The following DAB1 variants were observed in gnomAD, a reference collection of about 807,000 sequenced individuals.
DAB1 encodes the protein DAB adaptor protein 1, also known as disabled homolog 1.
In DAB1, 15 loss-of-function variants were observed where a neutral mutation model predicts 64.6. That is an observed-to-expected ratio of 0.23 (90% CI 0.16 to 0.36). DAB1 has a LOEUF of 0.36. Ranked by LOEUF, DAB1 falls within the 10% of genes least tolerant of loss-of-function variation. The pLI, the probability that DAB1 is intolerant of heterozygous loss-of-function variation, is 1.00. For missense variants in DAB1, 596 were observed against 706.7 expected, an observed-to-expected ratio of 0.84 and a Z score of 1.78; for synonymous variants, 235 against 251.9, an observed-to-expected ratio of 0.93 and a Z score of 0.64.
At chr1:57,772,839 G>A (rs80316352) in intron 6 of DAB1, among the ~76,000 whole-genome samples, 287 of 152,014 alleles carry the variant, frequency 1.9e-3, no homozygotes, top group African/African-American at 6.4e-3. Context: ...GACCTTATTT[G>A]GAAATAGCAT....
intron 2 of DAB1, among the ~76,000 whole-genome samples, chr1:57,248,129 G>A (rs993465887): frequency 2.0e-5 from 3 of 152,120 alleles, no homozygotes; most frequent in Non-Finnish European, 4.4e-5. Flanking sequence ...ATATCCTCCT[G>A]TACACTTTAA....
intron 7 of DAB1, among the ~76,000 whole-genome samples, chr1:57,550,441 A>G (rs1644901593): frequency 6.6e-6 from 1 of 152,062 alleles, no homozygotes; most frequent in Non-Finnish European, 1.5e-5. Flanking sequence ...TGTAGCTCTC[A>G]CTGACCTTTT....
rs1430472626 is a variant in DAB1, at chr1:58,357,177, GGAAGTGAATA to G, written n.258-13784_258-13775del. 1.3e-4 allele frequency among the ~76,000 whole-genome samples: 20 copies of G among 152,242 alleles called. No individual in the cohort carries two copies. In the East Asian group the frequency reaches 1.3e-3, roughly 10 times the overall value. Reference sequence around the variant, plus strand: ...CTTTTGGATTGTATGAGGCAAAAGTGGAAGTGAATAGAAGTGAATAGTAAATCAAACAAAA... The same window carrying G: ...CTTTTGGATTGTATGAGGCAAAAGTGGAAGTGAATAGTAAATCAAACAAAA... On this transcript the variant is annotated intron_variant and non_coding_transcript_variant, in intron 3 of 20. Coordinates refer to the DAB1 transcript ENST00000485760.
At chr1:58,213,513 G>A (rs902125140) in intron 4 of DAB1, among the ~76,000 whole-genome samples, 5 of 151,978 alleles carry the variant, frequency 3.3e-5, no homozygotes, top group South Asian at 2.1e-4. Context: ...AGCGAAGGCC[G>A]GGAAGAGCCC....
chr1:57,649,610 A>T (rs912928925), exon 7 of DAB1: 1 of 152,330 alleles, frequency 6.6e-6, no homozygotes, highest in East Asian at 1.9e-4. Flanking sequence ...TGTACAAAAG[A>T]GTTCTTCAAT....
Position 57,015,353 on chromosome 1 carries a change from G to A in DAB1, c.974C>T (p.Ala325Val), listed in dbSNP as rs759402184. 1.9e-6 allele frequency: 3 copies of A among 1,613,940 alleles called. No homozygotes were observed. The highest frequency in any genetic ancestry group is 1.3e-5 in the African/African-American group (1 of 74,928). ...CATCACCTGAGCGACTGGTGGCTGG[G>A]CACCCATGACCATCTGCTGTTGGAC... ...PLVQQQMVMG[A>V]QPPVAQVMPG... The change falls in exon 12 of 15, where the codon GCC becomes GTC. Residue 325 changes from alanine (A) to valine (V), a missense_variant. By Grantham distance (64) the Ala-to-Val change is moderately conservative (BLOSUM62 0). Around this residue, in one of 3 missense-constraint regions of DAB1, gnomAD observed 377 missense variants for 400.4 expected, o/e 0.94. Transcript: ENST00000371236.
At chr1:57,195,907 A>G (rs1664585029) in intron 2 of DAB1, among the ~76,000 whole-genome samples, 1 of 152,238 alleles carries the variant, frequency 6.6e-6, no homozygotes, top group South Asian at 2.1e-4. Flanking sequence ...TTTTCCTTAA[A>G]AAGATAATTA....
intron 7 of DAB1, among the ~76,000 whole-genome samples, chr1:57,446,553 G>A (rs983376152): frequency 4.7e-5 from 7 of 148,184 alleles, no homozygotes; most frequent in South Asian, 2.1e-4. Context: ...AGCCGAGATC[G>A]CGCCATTGCA....
chr1:57,104,071 T>C (rs1654920290), intron 4 of DAB1, among the ~76,000 whole-genome samples: 1 of 152,094 alleles, frequency 6.6e-6, no homozygotes, highest in African/African-American at 2.4e-5. Context: ...TGGTAGGTTA[T>C]GGGGGTGAGA....
At chr1:57,894,614 G>A (rs1644366747) in intron 5 of DAB1, among the ~76,000 whole-genome samples, 1 of 152,150 alleles carries the variant, frequency 6.6e-6, no homozygotes, top group Admixed American at 6.5e-5. Flanking sequence ...ACCTCACAGG[G>A]AAGAGTCTGG....
At chr1:57,868,533 A>C (rs1035154095) in intron 1 of DAB1, among the ~76,000 whole-genome samples, 1 of 152,100 alleles carries the variant, frequency 6.6e-6, no homozygotes, top group East Asian at 1.9e-4. Context: ...GCAGACAATT[A>C]TGTGGTGTGG....
intron 9 of DAB1, among the ~76,000 whole-genome samples, chr1:57,053,688 A>ATATATATAT (rs1447741565): frequency 1.0e-3 from 72 of 71,404 alleles, no homozygotes; most frequent in South Asian, 1.2e-3. Flanking sequence ...ATATATATAT[A>ATATATATAT]TTTTTTTTTT....
intron 5 of DAB1, among the ~76,000 whole-genome samples, chr1:58,116,933 A>C (rs1652371750): frequency 6.6e-6 from 1 of 152,232 alleles, no homozygotes; most frequent in Non-Finnish European, 1.5e-5. Context: ...AAATGACTTT[A>C]TAAAGAACAC....
intron 1 of DAB1, chr1:58,527,392 G>C (rs879167842): frequency 2.4e-6 from 2 of 823,488 alleles, no homozygotes; most frequent in South Asian, 1.3e-5. Context: ...GAAAAAAGGA[G>C]TAACACAGAG....
intron 4 of DAB1, among the ~76,000 whole-genome samples, chr1:58,216,941 G>A (rs141890355): frequency 1.1e-4 from 16 of 152,258 alleles, no homozygotes; most frequent in South Asian, 6.2e-4. Flanking sequence ...CAGTATACAT[G>A]TTTTTGCTTT....
chr1:57,131,628 G>C (rs896230988), intron 4 of DAB1, among the ~76,000 whole-genome samples: 3 of 152,282 alleles, frequency 2.0e-5, no homozygotes, highest in African/African-American at 7.2e-5. Context: ...GAACTGAAAG[G>C]AGAACAGACT....
intron 5 of DAB1, among the ~76,000 whole-genome samples, chr1:58,110,994 G>A (rs1390735004): frequency 6.6e-6 from 1 of 152,126 alleles, no homozygotes; most frequent in Non-Finnish European, 1.5e-5. Context: ...CCTTGGCCAG[G>A]GAATTGTGCA....
intron 2 of DAB1, among the ~76,000 whole-genome samples, chr1:57,209,490 A>G (rs909775774): frequency 1.3e-5 from 2 of 152,158 alleles, no homozygotes; most frequent in African/African-American, 2.4e-5. Context: ...GCTGTCAATA[A>G]TGCCCTTTAC....
chr1:57,372,537 T>C (rs1163544435), intron 1 of DAB1, among the ~76,000 whole-genome samples: 1 of 152,198 alleles, frequency 6.6e-6, no homozygotes, highest in Non-Finnish European at 1.5e-5. Context: ...TATAATATAA[T>C]CACCTAATAA....
Sources: gnomAD v4.1 joint callset for allele counts (sites outside exome capture counted in the v4.1 genomes callset) on GRCh38, gnomAD v4.1.1 for gene constraint, gnomAD v4.1.1 regional missense constraint, MANE v1.5 for transcripts, NCBI Gene and HGNC (gene_info 2026-07-23, HGNC 2026-07-21) for gene names.